CRISPLD1: variants seen among roughly 807,000 people sequenced by gnomAD.
CRISPLD1 encodes the protein cysteine-rich secretory protein LCCL domain-containing 1.
In CRISPLD1, 60 loss-of-function variants were observed where a neutral mutation model predicts 77.5. The ratio of observed to expected loss-of-function variants is 0.77; its 90% CI spans 0.63 to 0.96. The LOEUF (loss-of-function observed/expected upper bound fraction) is 0.96. Ranked by LOEUF, CRISPLD1 falls within the 40% of genes least tolerant of loss-of-function variation. The pLI, the probability that CRISPLD1 is intolerant of heterozygous loss-of-function variation, is 0.00. For missense variants in CRISPLD1, 623 were observed against 615.8 expected (o/e 1.01, Z -0.12); for synonymous variants, 195 against 200.1 (o/e 0.97, Z 0.22).
At chr8:74,998,685 C>CAAAA (rs368258595) in intron 2 of CRISPLD1, among the ~76,000 whole-genome samples, 7,066 of 50,764 alleles carry the variant, frequency 0.14, 1,150 homozygotes, top group African/African-American at 0.23. Flanking sequence ...GACTCCATCT[C>CAAAA]AAAAAAAAAA....
intron 12 of CRISPLD1, among the ~76,000 whole-genome samples, chr8:75,020,352 G>A (rs1221305513): frequency 6.6e-6 from 1 of 152,210 alleles, no homozygotes; most frequent in African/African-American, 2.4e-5. Context: ...TGCTGTGGCT[G>A]CTGTAACAAA....
At chr8:75,022,185 GA>G (rs1430732289) in intron 12 of CRISPLD1, among the ~76,000 whole-genome samples, 2 of 151,956 alleles carry the variant, frequency 1.3e-5, no homozygotes, top group African/African-American at 4.8e-5. Flanking sequence ...TAAATCCATA[GA>G]AATGACAATT....
intron 14 of CRISPLD1, 23 bp from the exon 15 acceptor site, chr8:75,032,168 T>C (rs1186999455): frequency 5.9e-6 from 9 of 1,513,330 alleles, no homozygotes; most frequent in African/African-American, 1.6e-5. Context: ...AATATACTTT[T>C]CATATATTTT....
rs986540053 is a variant in CRISPLD1, at chr8:75,033,441, TC to T, written c.*1200del. 5.7e-4 allele frequency: 87 copies of T among 152,050 alleles called. No homozygotes were observed. Among genetic ancestry groups the T allele is most frequent in the African/African-American group, 2.0e-3 (83 of 41,540 alleles). The allele number at this position is 152,050 out of a possible 1,614,324, so 9.4% of individuals were successfully genotyped here. ...CATACAATACCAGATGTCTACAAAA[TC>T]GACCTGATTATTTAGGTATTTGTAT... is the stretch of plus-strand genomic sequence containing the variant. On this transcript the variant is annotated 3_prime_UTR_variant, in exon 15 of 15. Coordinates refer to ENST00000262207, the MANE Select transcript of CRISPLD1 (RefSeq NM_031461.6).
Position 75,029,390 on chromosome 8 carries a change from T to C in CRISPLD1, c.1324T>C (p.Ser442Pro). 1 of 1,612,078 alleles carries C rather than the reference T, an allele frequency of 6.2e-7. No homozygotes were observed. Among genetic ancestry groups the C allele is most frequent in the East Asian group, 2.2e-5 (1 of 44,776 alleles). Reference sequence around the variant, plus strand: ...GTTTGTTTCTTTACCTTCTCAGCTGTCCAGTATCTGCAGAGCAGCAGTACA... The same window carrying C: ...GTTTGTTTCTTTACCTTCTCAGCTGCCCAGTATCTGCAGAGCAGCAGTACA... ...VIGTRVYSDL[S>P]SICRAAVHAG... The change falls in exon 14 of 15, where the codon TCC (serine) becomes CCC (proline). Residue 442 changes from serine (S) to proline (P), a missense_variant. Transcript: ENST00000262207.
chr8:75,004,941 ATCT>A (rs1812803439), intron 2 of CRISPLD1, among the ~76,000 whole-genome samples: 1 of 152,138 alleles, frequency 6.6e-6, no homozygotes, highest in Admixed American at 6.5e-5. Flanking sequence ...TATTAAGATT[ATCT>A]TCTTACTCAA....
At chr8:75,001,082 T>A (rs1812732534) in intron 2 of CRISPLD1, among the ~76,000 whole-genome samples, 1 of 152,118 alleles carries the variant, frequency 6.6e-6, no homozygotes, top group African/African-American at 2.4e-5. Flanking sequence ...TTGAAAAATA[T>A]AAAATTATGT....
At chr8:75,014,655 C>T (rs1812994366) in intron 5 of CRISPLD1, among the ~76,000 whole-genome samples, 157 bp from the exon 6 acceptor site, 1 of 152,076 alleles carries the variant, frequency 6.6e-6, no homozygotes, top group African/African-American at 2.4e-5. Context: ...TATATTTAAA[C>T]CTAGTAACCA....
rs118016032 is a variant in CRISPLD1 at position 75,021,759 on chromosome 8, A to G, written c.1244+1680A>G. ...ACTTACAGATTGCAGTTTTATAGAA[A>G]AAAGTAAAGATGTATTGCTAGGTGA... On this transcript the variant is annotated intron_variant, in intron 12 of 14. Transcript: ENST00000262207. Among the ~76,000 whole-genome samples the G allele has an allele frequency of 7.0e-3, 1,063 of 152,320 alleles. 9 individuals are homozygous for G. The highest frequency in any genetic ancestry group is 0.014 in the Middle Eastern group (4 of 294).
intron 13 of CRISPLD1, chr8:75,026,595 T>C (rs1254447297): frequency 2.6e-5 from 4 of 152,078 alleles, no homozygotes; most frequent in Admixed American, 6.6e-5. Context: ...AAGTGCATGC[T>C]GATGAGTTTA....
Position 75,014,851 on chromosome 8 carries a change from G to A in CRISPLD1, c.666G>A (p.Arg222=). The change falls in exon 6 of 15, where the codon CGG becomes CGA. Residue 222 remains arginine, a synonymous_variant. Transcript: ENST00000262207. The part of the protein sequence containing the change: ...WWGHAPYKHG[R]PCSACPPSFG... ...GCCATGCCCCTTACAAACATGGGCG[G>A]CCCTGTTCTGCTTGCCCACCTAGTT... The A allele has an allele frequency of 6.3e-7, 1 of 1,583,730 alleles. No homozygotes were observed. The highest frequency in any genetic ancestry group is 1.9e-5 in the Admixed American group (1 of 52,090).
chr8:75,029,032 T>A (rs895965544), intron 13 of CRISPLD1, among the ~76,000 whole-genome samples: 10 of 152,162 alleles, frequency 6.6e-5, no homozygotes, highest in Non-Finnish European at 1.3e-4. Context: ...AAGGCTAACA[T>A]TTAAGAATGA....
intron 6 of CRISPLD1, among the ~76,000 whole-genome samples, chr8:75,015,162 A>G (rs1813006377): frequency 6.6e-6 from 1 of 152,134 alleles, no homozygotes; most frequent in African/African-American, 2.4e-5. Context: ...TTACCCCAGA[A>G]TGACAAGTAT....
chr8:75,009,744 C>T (rs544348807), intron 2 of CRISPLD1, among the ~76,000 whole-genome samples: 1 of 152,190 alleles, frequency 6.6e-6, no homozygotes, highest in South Asian at 2.1e-4. Flanking sequence ...TTTTGAGAGA[C>T]GATTACTTCT....
intron 14 of CRISPLD1, among the ~76,000 whole-genome samples, chr8:75,030,820 GTATA>G (rs1046994798): frequency 6.6e-6 from 1 of 150,878 alleles, no homozygotes; most frequent in Non-Finnish European, 1.5e-5. Flanking sequence ...GTATGTGTAT[GTATA>G]TATGTGTTTC....
chr8:75,026,842 A>G (rs1006127427), intron 13 of CRISPLD1: 1 of 152,156 alleles, frequency 6.6e-6, no homozygotes, highest in African/African-American at 2.4e-5. Flanking sequence ...GTCTCTCTCA[A>G]GCTCCAGATT....
At position 75,025,534 on chromosome 8, in the gene CRISPLD1, TA is replaced by T. The variant is rs1563403149; in HGVS notation, c.1245-11del. ...CTTACTTAATATATATATAATATAT[TA>T]TTTTTTTCAGAGTATACTGTCCTCG... On this transcript the variant is annotated splice_polypyrimidine_tract_variant and intron_variant, in intron 12 of 14. Coordinates refer to ENST00000262207, the MANE Select transcript of CRISPLD1 (RefSeq NM_031461.6). The T allele has an allele frequency of 5.2e-6, 7 of 1,342,680 alleles. No individual in the cohort carries two copies. Among genetic ancestry groups the T allele is most frequent in the East Asian group, 2.4e-5 (1 of 41,700 alleles). The allele number at this position is 1,342,680 out of a possible 1,614,324, so 83.2% of individuals were successfully genotyped here.
At position 75,032,515 on chromosome 8, in the gene CRISPLD1, C is replaced by G. The variant is rs1813369120; in HGVS notation, c.*273C>G. Reference sequence around the variant, plus strand: ...TTATTTCTACAGTTAATTACATAGTCATGATTGTTCTACGTTTCATATATT... The same window carrying G: ...TTATTTCTACAGTTAATTACATAGTGATGATTGTTCTACGTTTCATATATT... On this transcript the variant is annotated 3_prime_UTR_variant, in exon 15 of 15. Transcript: ENST00000262207. The G allele has an allele frequency of 3.9e-6, 1 of 257,366 alleles. No homozygotes were observed. Among genetic ancestry groups the G allele is most frequent in the African/African-American group, 2.2e-5 (1 of 44,804 alleles). 15.9% of individuals were successfully genotyped at this position (257,366 alleles called of 1,614,324 possible).
At chr8:75,014,279 G>A (rs766805483) in intron 5 of CRISPLD1, among the ~76,000 whole-genome samples, 177 bp downstream of exon 5, 21 of 152,098 alleles carry the variant, frequency 1.4e-4, no homozygotes, top group Non-Finnish European at 2.6e-4. Flanking sequence ...AATGCATAAA[G>A]GGGGATATGA....
Sources: allele counts gnomAD v4.1 joint callset (sites outside exome capture counted in the v4.1 genomes callset), GRCh38; gene constraint gnomAD v4.1.1; transcripts MANE v1.5; gene names NCBI Gene and HGNC (gene_info 2026-07-23, HGNC 2026-07-21).